MNAT1: variants seen among roughly 807,000 people sequenced by gnomAD.
MNAT1 encodes the protein MNAT1 component of CDK activating kinase, also known as CDK-activating kinase assembly factor MAT1.
A neutral mutation model predicts 42.0 loss-of-function variants in MNAT1; 43 were observed. That is an observed-to-expected ratio of 1.02 (90% CI 0.80 to 1.32). MNAT1 has a LOEUF of 1.32. Ranked by LOEUF, MNAT1 falls within the 40% of genes most tolerant of loss-of-function variation. The probability of loss-of-function intolerance (pLI) is 0.00; values close to 1 mark genes in which losing one functional copy is unlikely to be tolerated. For missense variants in MNAT1, 306 were observed against 350.4 expected, an observed-to-expected ratio of 0.87 and a Z score of 1.01; for synonymous variants, 118 against 120.0, an observed-to-expected ratio of 0.98 and a Z score of 0.11.
chr14:60,931,791 G>T (rs921605501), intron 7 of MNAT1, among the ~76,000 whole-genome samples: 1 of 151,502 alleles, frequency 6.6e-6, no homozygotes, highest in African/African-American at 2.4e-5. Context: ...TATAACCTTT[G>T]ACACTCTGAA....
In MNAT1 at chr14:60,825,380, G is replaced by A. The variant is rs563735356; in HGVS notation, c.687+6533G>A. Among the ~76,000 whole-genome samples the A allele has an allele frequency of 4.6e-5, 7 of 152,296 alleles. 1 individual carries two copies. Among genetic ancestry groups the A allele is most frequent in the Admixed American group, 3.9e-4 (6 of 15,302 alleles). Reference sequence around the variant, plus strand: ...TACAGATGAAAGTCTAAATGTTTATGAAGTTAAGTATTTTTATAGTCTTTA... The same window carrying A: ...TACAGATGAAAGTCTAAATGTTTATAAAGTTAAGTATTTTTATAGTCTTTA... On this transcript the variant is annotated intron_variant, in intron 6 of 7. Transcript: ENST00000261245.
At chr14:60,949,650 T>A (rs2036345125) in intron 7 of MNAT1, among the ~76,000 whole-genome samples, 1 of 152,184 alleles carries the variant, frequency 6.6e-6, no homozygotes, top group Admixed American at 6.5e-5. Flanking sequence ...ATATTTTCTT[T>A]ACACATGAAA....
chr14:60,885,715 G>A (rs2034652912), intron 7 of MNAT1, among the ~76,000 whole-genome samples: 1 of 151,918 alleles, frequency 6.6e-6, no homozygotes, highest in Non-Finnish European at 1.5e-5. Flanking sequence ...CCAATGTGTA[G>A]GTTGGTTTTT....
At chr14:60,813,331 C>T (rs923582144) in intron 5 of MNAT1, among the ~76,000 whole-genome samples, 2 of 152,176 alleles carry the variant, frequency 1.3e-5, no homozygotes, top group Non-Finnish European at 2.9e-5. Flanking sequence ...CCACGTGCTC[C>T]CTCCCACATA....
intron 6 of MNAT1, among the ~76,000 whole-genome samples, chr14:60,839,768 G>A (rs73311467): frequency 7.1e-4 from 108 of 152,358 alleles, no homozygotes; most frequent in African/African-American, 2.6e-3. Context: ...CGGTGCATCT[G>A]ATCCAGCCTC....
At chr14:60,766,383 C>T (rs570628786) in intron 1 of MNAT1, among the ~76,000 whole-genome samples, 1 of 151,122 alleles carries the variant, frequency 6.6e-6, no homozygotes, top group South Asian at 2.1e-4. Flanking sequence ...CAAATTACTC[C>T]CCCTTACTCC....
intron 7 of MNAT1, among the ~76,000 whole-genome samples, chr14:60,912,072 G>A (rs1244303344): frequency 1.3e-5 from 2 of 151,670 alleles, no homozygotes; most frequent in Non-Finnish European, 3.0e-5. Flanking sequence ...TTACCATTAT[G>A]TAATGGCCTT....
chr14:60,957,946 T>G (rs908070726), intron 7 of MNAT1, among the ~76,000 whole-genome samples: 1 of 152,136 alleles, frequency 6.6e-6, no homozygotes, highest in Non-Finnish European at 1.5e-5. Flanking sequence ...CAAGTGATTC[T>G]CCTGCCCCAA....
chr14:60,891,455 TG>T (rs1421291735), intron 7 of MNAT1, among the ~76,000 whole-genome samples: 52 of 152,084 alleles, frequency 3.4e-4, no homozygotes, highest in Admixed American at 3.3e-3. Context: ...TTGTTTTGTT[TG>T]TTTTTTTTTT....
rs138407459 is a variant in MNAT1, at chr14:60,833,002, G to A, written c.687+14155G>A. ...TTGTCTATTGTTGTTGTATAGGAAT[G>A]CTTGTGACTTTTGCACATTGATTTT... On this transcript the variant is annotated intron_variant, in intron 6 of 7. Coordinates refer to ENST00000261245, the MANE Select transcript of MNAT1 (RefSeq NM_002431.4). Among the ~76,000 whole-genome samples the A allele has an allele frequency of 3.7e-3, 557 of 152,236 alleles. 2 individuals carry two copies. Among genetic ancestry groups the A allele is most frequent in the African/African-American group, 0.013 (527 of 41,548 alleles).
intron 7 of MNAT1, among the ~76,000 whole-genome samples, chr14:60,939,341 T>C (rs1379135390): frequency 1.3e-5 from 2 of 152,230 alleles, no homozygotes; most frequent in African/African-American, 2.4e-5. Context: ...GAATTTTAGA[T>C]CTTTCCTCCT....
chr14:60,850,131 C>T (rs762767945), intron 6 of MNAT1, among the ~76,000 whole-genome samples: 1 of 152,150 alleles, frequency 6.6e-6, no homozygotes, highest in Non-Finnish European at 1.5e-5. Context: ...GCCACCTCAC[C>T]TGGCCTTATT....
chr14:60,799,304 G>A (rs1423773863), intron 3 of MNAT1: 1 of 985,138 alleles, frequency 1.0e-6, no homozygotes, highest in Non-Finnish European at 1.2e-6. Context: ...TGGTAGAATT[G>A]GGAGTGACAA....
chr14:60,743,649 A>T (rs1896536917), intron 1 of MNAT1, among the ~76,000 whole-genome samples: 1 of 152,198 alleles, frequency 6.6e-6, no homozygotes, highest in Non-Finnish European at 1.5e-5. Flanking sequence ...TTTGTTTATA[A>T]GAAAGTGTTT....
At chr14:60,814,611 T>A (rs1289205834) in intron 5 of MNAT1, among the ~76,000 whole-genome samples, 1 of 152,146 alleles carries the variant, frequency 6.6e-6, no homozygotes, top group Non-Finnish European at 1.5e-5. Context: ...AAAAAGCATT[T>A]AAGTCAGTTA....
At chr14:60,771,912 A>G (rs1355608696) in intron 1 of MNAT1, among the ~76,000 whole-genome samples, 2 of 152,198 alleles carry the variant, frequency 1.3e-5, no homozygotes, top group South Asian at 2.1e-4. Context: ...TATGATGGGT[A>G]AATTTTCTTT....
intron 7 of MNAT1, among the ~76,000 whole-genome samples, chr14:60,890,414 T>G (rs2034810163): frequency 1.3e-5 from 2 of 152,200 alleles, no homozygotes; most frequent in Admixed American, 1.3e-4. Context: ...GAATGTATAG[T>G]CAGGGTTCTC....
chr14:60,892,593 T>C (rs1326746720), intron 7 of MNAT1, among the ~76,000 whole-genome samples: 1 of 152,112 alleles, frequency 6.6e-6, no homozygotes, highest in Non-Finnish European at 1.5e-5. Flanking sequence ...TTAAGCCACA[T>C]TTAAAGTTAT....
intron 6 of MNAT1, among the ~76,000 whole-genome samples, chr14:60,863,870 G>A (rs2034149775): frequency 6.6e-6 from 1 of 152,010 alleles, no homozygotes; most frequent in Non-Finnish European, 1.5e-5. Flanking sequence ...GATTAGTATA[G>A]TCAGCTTTCT....
Sources: gnomAD v4.1 joint callset for allele counts (sites outside exome capture counted in the v4.1 genomes callset) on GRCh38, gnomAD v4.1.1 for gene constraint, MANE v1.5 for transcripts, NCBI Gene and HGNC (gene_info 2026-07-23, HGNC 2026-07-21) for gene names.